The following RBFOX1 variants were observed in gnomAD, a reference collection of about 807,000 sequenced individuals.
RBFOX1 encodes the protein RNA binding fox-1 homolog 1.
Under a neutral mutation model 57.7 loss-of-function variants are expected in RBFOX1, and 8 were observed. The observed-to-expected ratio is 0.14, with a 90% CI of 0.08 to 0.25. The LOEUF (loss-of-function observed/expected upper bound fraction) is 0.25. Ranked by LOEUF, RBFOX1 falls within the 10% of genes least tolerant of loss-of-function variation. The pLI is 1.00. For synonymous variants in RBFOX1, 326 were observed against 222.4 expected (o/e 1.47, Z -4.15); for missense variants, 611 against 548.5 (o/e 1.11, Z -1.14).
At chr16:7,104,929 ATC>A (rs2063313073) in intron 4 of RBFOX1, among the ~76,000 whole-genome samples, 1 of 151,824 alleles carries the variant, frequency 6.6e-6, no homozygotes, top group East Asian at 1.9e-4. Flanking sequence ...ATACTCAGAA[ATC>A]TCTGTGCTTG....
chr16:5,299,909 G>T (rs1240312100), intron 1 of RBFOX1, among the ~76,000 whole-genome samples: 2 of 151,962 alleles, frequency 1.3e-5, no homozygotes, highest in African/African-American at 4.8e-5. Flanking sequence ...TAAATATGAT[G>T]TTAGCTGTAG....
At chr16:6,867,864 G>T (rs949554011) in intron 3 of RBFOX1, among the ~76,000 whole-genome samples, 1 of 152,152 alleles carries the variant, frequency 6.6e-6, no homozygotes, top group South Asian at 2.1e-4. Context: ...AGGTGTCCCA[G>T]TTTCAACGAT....
intron 4 of RBFOX1, among the ~76,000 whole-genome samples, chr16:7,054,724 A>G (rs958949789): frequency 3.3e-5 from 5 of 152,342 alleles, no homozygotes; most frequent in South Asian, 4.1e-4. Context: ...GCAAGCCACA[A>G]TAAAAATGTG....
chr16:5,440,300 A>C (rs889387836), intron 1 of RBFOX1, among the ~76,000 whole-genome samples: 1 of 152,202 alleles, frequency 6.6e-6, no homozygotes, highest in Middle Eastern at 3.2e-3. Flanking sequence ...TTCACATCCA[A>C]GTTTCTTAGA....
rs1491558284 is a variant in RBFOX1 at position 7,062,892 on chromosome 16, C to CTTTTTTTTTTTTTTTTTTTTTTT, written c.27+10794_27+10795insTTTTTTTTTTTTTTTTTTTTTTT. On this transcript the variant is annotated intron_variant, in intron 4 of 15. Coordinates refer to ENST00000550418, the MANE Select transcript of RBFOX1 (RefSeq NM_018723.4). The stretch of plus-strand genomic sequence containing the variant: ...TACCTCATCTCATTCAAATGATCGC[C>CTTTTTTTTTTTTTTTTTTTTTTT]ATTTTTTTTTTTTTTTTTTTTTTTT... Among the ~76,000 whole-genome samples the CTTTTTTTTTTTTTTTTTTTTTTT allele has an allele frequency of 1.8e-4, 11 of 59,932 alleles. 5 individuals carry two copies. The highest frequency in any genetic ancestry group is 2.7e-4 in the African/African-American group (5 of 18,506). 39.3% of individuals were successfully genotyped at this position (59,932 alleles called of 152,430 possible).
intron 1 of RBFOX1, among the ~76,000 whole-genome samples, chr16:6,088,043 T>A (rs1225694835): frequency 6.6e-6 from 1 of 152,206 alleles, no homozygotes; most frequent in African/African-American, 2.4e-5. Context: ...TCACAATTTC[T>A]ACAGCAGCCA....
chr16:5,551,313 G>A (rs1466578724), intron 2 of RBFOX1, among the ~76,000 whole-genome samples: 2 of 152,318 alleles, frequency 1.3e-5, no homozygotes, highest in East Asian at 3.9e-4. Flanking sequence ...CATGGAGGCA[G>A]CTGGTCTGCC....
intron 2 of RBFOX1, among the ~76,000 whole-genome samples, chr16:6,517,125 G>A (rs771756979): frequency 8.5e-5 from 13 of 152,134 alleles, no homozygotes; most frequent in Admixed American, 1.3e-4. Context: ...TGGGCCACTT[G>A]TGACCAAGAC....
chr16:5,973,022 T>G (rs2059993961), intron 4 of RBFOX1, among the ~76,000 whole-genome samples: 1 of 152,330 alleles, frequency 6.6e-6, no homozygotes, highest in Non-Finnish European at 1.5e-5. Context: ...TGGCAGGGTC[T>G]TAAACATTTC....
chr16:5,349,210 A>G (rs1162636692), intron 1 of RBFOX1, among the ~76,000 whole-genome samples: 1 of 152,252 alleles, frequency 6.6e-6, no homozygotes, highest in African/African-American at 2.4e-5. Context: ...ATACCATATG[A>G]GTCCACTTCT....
At chr16:6,946,610 G>A (rs1014905403) in intron 3 of RBFOX1, among the ~76,000 whole-genome samples, 1 of 151,966 alleles carries the variant, frequency 6.6e-6, no homozygotes, top group Non-Finnish European at 1.5e-5. Context: ...TTTTGAGGGG[G>A]AAGGTAGTAG....
intron 3 of RBFOX1, among the ~76,000 whole-genome samples, chr16:6,860,149 A>G (rs781306199): frequency 6.6e-6 from 1 of 150,480 alleles, no homozygotes; most frequent in Admixed American, 6.6e-5. Flanking sequence ...TTCCTGGCAT[A>G]TGTTTTTCTT....
At position 7,599,932 on chromosome 16, in the gene RBFOX1, T is replaced by G. The variant is rs565299882; in HGVS notation, c.622+2501T>G. On this transcript the variant is annotated intron_variant, in intron 9 of 15. Transcript: ENST00000550418. ...GATTACAGGCATGAGCCACCACTTC[T>G]GGCCTAGCCTTTTCTTTTTGTTATG... Among the ~76,000 whole-genome samples, 3 of 152,250 alleles carry G rather than the reference T, an allele frequency of 2.0e-5. No homozygotes were observed. In the East Asian group the frequency reaches 5.8e-4, roughly 29 times the overall value.
chr16:7,514,492 A>T (rs2075908237), intron 4 of RBFOX1, among the ~76,000 whole-genome samples: 1 of 152,110 alleles, frequency 6.6e-6, no homozygotes, highest in African/African-American at 2.4e-5. Flanking sequence ...CTCACAGACA[A>T]ATAATCAGGC....
rs149709645 is a variant in RBFOX1, at chr16:6,900,121, G to A, written c.-15-151936G>A. Among the ~76,000 whole-genome samples the A allele has an allele frequency of 4.0e-5, 6 of 151,844 alleles. 1 individual carries two copies. The highest frequency in any genetic ancestry group is 1.5e-4 in the African/African-American group (6 of 41,178). On this transcript the variant is annotated intron_variant, in intron 3 of 15. Coordinates refer to ENST00000550418, the MANE Select transcript of RBFOX1 (RefSeq NM_018723.4). ...GCACATGAAACAAAGGTTTATTTGA[G>A]TTTTTCTTTAGTTATTGCTGGTGGT...
rs1474553995 is a variant in RBFOX1, at chr16:7,219,217, G to T, written c.27+167119G>T. Among the ~76,000 whole-genome samples, 4 of 152,302 alleles carry T rather than the reference G, an allele frequency of 2.6e-5. No homozygotes were observed. In the East Asian group the frequency reaches 5.8e-4, roughly 22 times the overall value. On this transcript the variant is annotated intron_variant, in intron 4 of 15. Coordinates refer to ENST00000550418, the MANE Select transcript of RBFOX1 (RefSeq NM_018723.4). Reference sequence around the variant, plus strand: ...GACATAATTAATGAAGAGGCAGGCAGCATGCTCTACCAATTAACACCACAG... The same window carrying T: ...GACATAATTAATGAAGAGGCAGGCATCATGCTCTACCAATTAACACCACAG...
At chr16:6,493,535 G>A (rs1044566080) in intron 2 of RBFOX1, among the ~76,000 whole-genome samples, 2 of 152,102 alleles carry the variant, frequency 1.3e-5, no homozygotes, top group South Asian at 2.1e-4. Flanking sequence ...TCCTGTGCAA[G>A]CCACATGAAT....
chr16:5,761,232 A>T (rs1302679914), intron 3 of RBFOX1, among the ~76,000 whole-genome samples: 4 of 152,170 alleles, frequency 2.6e-5, no homozygotes, highest in Admixed American at 2.6e-4. Context: ...CTTGTATATT[A>T]AGGTGACTTC....
chr16:6,354,578 C>G (rs562228972), intron 2 of RBFOX1, among the ~76,000 whole-genome samples: 1 of 152,316 alleles, frequency 6.6e-6, no homozygotes, highest in South Asian at 2.1e-4. Flanking sequence ...CCCCTGCCCT[C>G]TTCCTCTGGC....
Sources: gnomAD v4.1 joint callset for allele counts (sites outside exome capture counted in the v4.1 genomes callset) on GRCh38, gnomAD v4.1.1 for gene constraint, MANE v1.5 for transcripts, NCBI Gene and HGNC (gene_info 2026-07-23, HGNC 2026-07-21) for gene names.